COL18A1: variants seen among roughly 807,000 people sequenced by gnomAD.
COL18A1 encodes the protein collagen type XVIII alpha 1 chain.
COL18A1 carries 133 observed loss-of-function variants against 168.0 expected under a neutral mutation model. The ratio of observed to expected loss-of-function variants is 0.79; its 90% CI spans 0.69 to 0.91. The LOEUF is 0.91. Ranked by LOEUF, COL18A1 falls within the 40% of genes least tolerant of loss-of-function variation. The probability of loss-of-function intolerance (pLI) is 0.00; values close to 1 mark genes in which losing one functional copy is unlikely to be tolerated. For missense variants in COL18A1, 2,126 were observed against 1,925.4 expected (o/e 1.10, Z -1.95); for synonymous variants, 949 against 809.0 (o/e 1.17, Z -2.94).
In COL18A1 at chr21:45,477,393, C is replaced by T. The variant is rs775654556; in HGVS notation, c.929-18C>T. 2 of 1,608,364 alleles carry T rather than the reference C, an allele frequency of 1.2e-6. No individual in the cohort carries two copies. The highest frequency in any genetic ancestry group is 1.3e-5 in the African/African-American group (1 of 74,842). ...ACCCGGGGGGCGTGACCGTGGCCACCTCTGCTTCTCTTCCCAGCTCAGACA... is the reference window on the plus strand; with the variant it reads ...ACCCGGGGGGCGTGACCGTGGCCACTTCTGCTTCTCTTCCCAGCTCAGACA... On this transcript the variant is annotated intron_variant, in intron 6 of 41. Coordinates refer to ENST00000651438, the MANE Select transcript of COL18A1 (RefSeq NM_001379500.1).
Position 45,504,456 on chromosome 21 carries a change from A to G in COL18A1, c.2768A>G (p.Glu923Gly), listed in dbSNP as rs967347156. 2 of 1,611,262 alleles carry G rather than the reference A, an allele frequency of 1.2e-6. No individual in the cohort carries two copies. Among genetic ancestry groups the G allele is most frequent in the African/African-American group, 1.3e-5 (1 of 74,978 alleles). ...CGAGGTGATGCAGGACAGAAAGGCGAAAGGGGGGAGCCCGGGGGCGGCGGT... is the reference window on the plus strand; with the variant it reads ...CGAGGTGATGCAGGACAGAAAGGCGGAAGGGGGGAGCCCGGGGGCGGCGGT... Reference protein sequence around the residue: ...GDRGDAGQKGERGEPGGGGFF... With the variant: ...GDRGDAGQKGGRGEPGGGGFF... Residue 923 changes from glutamate (E) to glycine (G), a missense_variant, in exon 34 of 42, where the codon GAA becomes GGA. Coordinates refer to ENST00000651438, the MANE Select transcript of COL18A1 (RefSeq NM_001379500.1).
At chr21:45,446,263 C>T (rs78216748) in intron 2 of COL18A1, among the ~76,000 whole-genome samples, 9,809 of 152,300 alleles carry the variant, frequency 0.064, 557 homozygotes, top group African/African-American at 0.15. Flanking sequence ...CCAGAACCCT[C>T]AGTTCCACTG....
chr21:45,474,462 CTG>C (rs745832711), intron 4 of COL18A1, among the ~76,000 whole-genome samples: 4 of 132,194 alleles, frequency 3.0e-5, no homozygotes, highest in African/African-American at 6.5e-5. Flanking sequence ...TAGTGTGTCT[CTG>C]TGTGTGGTGT....
At chr21:45,452,619 G>T (rs2034650577) in intron 2 of COL18A1, among the ~76,000 whole-genome samples, 1 of 147,466 alleles carries the variant, frequency 6.8e-6, no homozygotes, top group Non-Finnish European at 1.5e-5. Context: ...GTGAGCATTT[G>T]TATCTGACAT....
rs770537257 is a variant in COL18A1, at chr21:45,493,502, G to A, written c.2279G>A (p.Gly760Asp). 4.8e-5 allele frequency: 75 copies of A among 1,558,842 alleles called. No homozygotes were observed. In the Middle Eastern group the frequency reaches 6.6e-4, roughly 14 times the overall value. Residue 760 changes from glycine (G) to aspartate (D), a missense_variant and splice_region_variant, in exon 26 of 42, where the codon GGT (glycine) becomes GAT (aspartate). By Grantham distance (94) the Gly-to-Asp change is moderately conservative. Transcript: ENST00000651438. Reference sequence around the variant, plus strand: ...CTGCTGGACCTCCTGCCATTCCAGGGTGAGAAGGGTGAACCGGGCAGCATC... The same window carrying A: ...CTGCTGGACCTCCTGCCATTCCAGGATGAGAAGGGTGAACCGGGCAGCATC... ...KGERGSPGPK[G>D]EKGEPGSIFS...
At chr21:45,409,824 A>G (rs1602325941) in intron 2 of COL18A1, 2 of 152,200 alleles carry the variant, frequency 1.3e-5, no homozygotes, top group African/African-American at 4.8e-5. Context: ...GCCACATACC[A>G]CACACTGGAT....
At chr21:45,440,030 CGGAGGCTGGCAGGCCGTG>C (rs2034326952) in intron 2 of COL18A1, among the ~76,000 whole-genome samples, 1 of 152,248 alleles carries the variant, frequency 6.6e-6, no homozygotes, top group Non-Finnish European at 1.5e-5. Context: ...AAAGCGCCAG[CGGAGGCTGGCAGGCCGTG>C]GGCCGCATGG....
intron 2 of COL18A1, among the ~76,000 whole-genome samples, chr21:45,442,385 C>T (rs940807820): frequency 6.6e-6 from 1 of 152,248 alleles, no homozygotes; most frequent in Non-Finnish European, 1.5e-5. Flanking sequence ...TCTCTGGCTG[C>T]ACATCACCCA....
At chr21:45,466,775 C>T (rs564259534) in intron 2 of COL18A1, among the ~76,000 whole-genome samples, 6 of 152,278 alleles carry the variant, frequency 3.9e-5, no homozygotes, top group South Asian at 2.1e-4. Flanking sequence ...TGGCAGCTGC[C>T]GCATCTTGCT....
intron 15 of COL18A1, among the ~76,000 whole-genome samples, chr21:45,483,630 C>T (rs940377337): frequency 2.6e-5 from 4 of 152,206 alleles, no homozygotes; most frequent in South Asian, 2.1e-4. Flanking sequence ...TCCAGGCTTC[C>T]GTGGGCCGCC....
chr21:45,511,096 C>CAA lies in COL18A1; in HGVS notation c.3694-15_3694-14insAA, dbSNP rs1555876761. 1 of 1,451,610 alleles carries CAA rather than the reference C, an allele frequency of 6.9e-7. No individual in the cohort carries two copies. The highest frequency in any genetic ancestry group is 9.4e-7 in the Non-Finnish European group (1 of 1,059,248). The allele number at this position is 1,451,610 out of a possible 1,614,324, so 89.9% of individuals were successfully genotyped here. On this transcript the variant is annotated splice_polypyrimidine_tract_variant and intron_variant, in intron 40 of 41. Transcript: ENST00000651438. The stretch of plus-strand genomic sequence containing the variant: ...CCCACACACCACACACACATACACA[C>CAA]GGTTTCTCTTCCAGGACGAGCTGCT...
At chr21:45,431,764 A>G (rs1222202235) in intron 2 of COL18A1, among the ~76,000 whole-genome samples, 1 of 152,010 alleles carries the variant, frequency 6.6e-6, no homozygotes, top group Non-Finnish European at 1.5e-5. Flanking sequence ...ATTTGGGCAC[A>G]GGCAGGGCAG....
chr21:45,452,606 C>T (rs928447345), intron 2 of COL18A1, among the ~76,000 whole-genome samples: 4 of 147,288 alleles, frequency 2.7e-5, no homozygotes, highest in Non-Finnish European at 4.4e-5. Context: ...CTTGTGTATG[C>T]ATGTGAGCAT....
intron 2 of COL18A1, chr21:45,419,603 G>C (rs1339611019): frequency 6.6e-6 from 1 of 152,218 alleles, no homozygotes; most frequent in South Asian, 2.1e-4. Flanking sequence ...GGCGTTTTGG[G>C]TGTAAATGCC....
chr21:45,481,389 G>A lies in COL18A1; in HGVS notation c.1611+531G>A, dbSNP rs1379490749. On this transcript the variant is annotated intron_variant, in intron 13 of 41. Coordinates refer to ENST00000651438, the MANE Select transcript of COL18A1 (RefSeq NM_001379500.1). ...GTCATGACTGGCAGCAGGTGCAGAC[G>A]TGGCTGCTGTAATTGGGTCATGCTG... 3.3e-5 allele frequency among the ~76,000 whole-genome samples: 5 copies of A among 152,224 alleles called. No homozygotes were observed. In the South Asian group the frequency reaches 8.3e-4, roughly 25 times the overall value.
At chr21:45,446,619 A>G (rs1445786571) in intron 2 of COL18A1, among the ~76,000 whole-genome samples, 1 of 152,248 alleles carries the variant, frequency 6.6e-6, no homozygotes, top group Admixed American at 6.5e-5. Flanking sequence ...TCAAAAGACT[A>G]GGAGAGTGGG....
intron 2 of COL18A1, among the ~76,000 whole-genome samples, chr21:45,462,738 T>C (rs1048886673): frequency 6.6e-6 from 1 of 152,224 alleles, no homozygotes; most frequent in Non-Finnish European, 1.5e-5. Context: ...TGCCATCAGG[T>C]CTTTTGCAGA....
chr21:45,448,055 C>T (rs1042601850), intron 2 of COL18A1, among the ~76,000 whole-genome samples: 45 of 152,228 alleles, frequency 3.0e-4, no homozygotes, highest in Admixed American at 1.3e-4. Flanking sequence ...TCTTCCCACC[C>T]TCTGCTGAGT....
At position 45,505,208 on chromosome 21, in the gene COL18A1, G is replaced by A. The variant is rs534342396; in HGVS notation, c.2943G>A (p.Glu981=). 111 of 1,603,498 alleles carry A rather than the reference G, an allele frequency of 6.9e-5. 1 individual carries two copies. In the South Asian group the frequency reaches 1.2e-3, roughly 17 times the overall value. Residue 981 remains glutamate, a synonymous_variant, in exon 35 of 42, where the codon GAG becomes GAA. Transcript: ENST00000651438. ...GPQGPPGIGY[E]GRQGPPGPPG... ...AGGGACCCCCCGGCATCGGCTACGAGGGGCGCCAGGGCCCTCCCGGCCCCC... is the reference window on the plus strand; with the variant it reads ...AGGGACCCCCCGGCATCGGCTACGAAGGGCGCCAGGGCCCTCCCGGCCCCC...
Sources: allele counts gnomAD v4.1 joint callset (sites outside exome capture counted in the v4.1 genomes callset), GRCh38; gene constraint gnomAD v4.1.1; transcripts MANE v1.5; gene names NCBI Gene and HGNC (gene_info 2026-07-23, HGNC 2026-07-21).